UNC13C: variants seen among roughly 807,000 people sequenced by gnomAD.
UNC13C encodes protein unc-13 homolog C.
A neutral mutation model predicts 245.4 loss-of-function variants in UNC13C; 174 were observed. The ratio of observed to expected loss-of-function variants is 0.71; its 90% CI spans 0.63 to 0.80. The LOEUF is 0.80. Ranked by LOEUF, UNC13C falls within the 30% of genes least tolerant of loss-of-function variation. The pLI is 0.00. For synonymous variants in UNC13C, 992 were observed against 895.1 expected, an observed-to-expected ratio of 1.11 and a Z score of -1.93; for missense variants, 2,829 against 2,602.9, an observed-to-expected ratio of 1.09 and a Z score of -1.89.
chr15:54,038,120 A>ATG (rs1246982047), intron 2 of UNC13C, among the ~76,000 whole-genome samples: 1 of 45,204 alleles, frequency 2.2e-5, no homozygotes, highest in African/African-American at 1.0e-4. Context: ...ATATATATAT[A>ATG]TATATTTTTT....
intron 19 of UNC13C, among the ~76,000 whole-genome samples, chr15:54,487,766 C>CAAAAAAAAA (rs5812760): frequency 1.6e-5 from 1 of 62,762 alleles, no homozygotes; most frequent in Non-Finnish European, 3.0e-5. Context: ...GATTCCATCT[C>CAAAAAAAAA]AAAAAAAAAA....
At chr15:54,167,974 G>T (rs1376664317) in intron 4 of UNC13C, among the ~76,000 whole-genome samples, 2 of 152,084 alleles carry the variant, frequency 1.3e-5, no homozygotes, top group African/African-American at 4.8e-5. Context: ...ATCTAATTTT[G>T]GCAAAGATGT....
chr15:54,480,097 A>G (rs1893019666), intron 19 of UNC13C, among the ~76,000 whole-genome samples: 1 of 152,018 alleles, frequency 6.6e-6, no homozygotes, highest in African/African-American at 2.4e-5. Context: ...TGTTTGGAGA[A>G]TTCTTTCTTT....
intron 2 of UNC13C, among the ~76,000 whole-genome samples, chr15:54,112,569 T>C (rs2029890444): frequency 6.6e-6 from 1 of 152,234 alleles, no homozygotes; most frequent in Admixed American, 6.5e-5. Context: ...ATGTTGAATA[T>C]GTCTAGCCCC....
intron 30 of UNC13C, among the ~76,000 whole-genome samples, chr15:54,586,607 T>C (rs1253996334): frequency 6.6e-6 from 1 of 152,208 alleles, no homozygotes; most frequent in Non-Finnish European, 1.5e-5. Flanking sequence ...GTGGGGCTTT[T>C]ACAAACAAAT....
At chr15:54,071,579 A>G (rs1247939556) in intron 2 of UNC13C, among the ~76,000 whole-genome samples, 1 of 152,158 alleles carries the variant, frequency 6.6e-6, no homozygotes, top group Admixed American at 6.5e-5. Context: ...TAGGCAAACA[A>G]TGGTCTATGG....
rs540407205 is a variant in UNC13C at position 54,367,656 on chromosome 15, T to C, written c.4714-25392T>C. On this transcript the variant is annotated intron_variant, in intron 17 of 32. Transcript: ENST00000260323. ...AGAATGTAAATGATCCAACAAATTATAGCATAATAAAAGCTGCTTTTAACC... is the reference window on the plus strand; with the variant it reads ...AGAATGTAAATGATCCAACAAATTACAGCATAATAAAAGCTGCTTTTAACC... 1.1e-4 allele frequency among the ~76,000 whole-genome samples: 17 copies of C among 152,264 alleles called. No homozygotes were observed. In the South Asian group the frequency reaches 3.5e-3, roughly 32 times the overall value.
intron 19 of UNC13C, among the ~76,000 whole-genome samples, chr15:54,461,673 A>G: frequency 6.6e-6 from 1 of 152,210 alleles, no homozygotes. Flanking sequence ...TGAGTCATTG[A>G]GTAAATCAGG....
At chr15:54,086,894 C>T (rs1368410109) in intron 2 of UNC13C, among the ~76,000 whole-genome samples, 2 of 151,882 alleles carry the variant, frequency 1.3e-5, no homozygotes, top group Non-Finnish European at 2.9e-5. Context: ...TGCCACTGAC[C>T]CAGCTAATTT....
chr15:54,512,763 C>T (rs575859505), intron 24 of UNC13C, among the ~76,000 whole-genome samples: 26 of 152,294 alleles, frequency 1.7e-4, no homozygotes, highest in African/African-American at 6.3e-4. Flanking sequence ...TGCTAGGATG[C>T]ATTTCAAAGT....
At chr15:54,187,047 C>G (rs2034015357) in intron 4 of UNC13C, among the ~76,000 whole-genome samples, 1 of 151,788 alleles carries the variant, frequency 6.6e-6, no homozygotes, top group Admixed American at 6.6e-5. Context: ...AGGGTTTCAC[C>G]ATGTTGGCCA....
At chr15:53,947,606 T>A in the UNC13C span, 1 of 152,218 alleles carries the variant, frequency 6.6e-6, no homozygotes. Flanking sequence ...TTTGTTCACA[T>A]CTTTTGTTAT....
intron 10 of UNC13C, 107 bp downstream of exon 10, chr15:54,265,603 AC>A (rs2036533145): frequency 1.2e-6 from 1 of 848,860 alleles, no homozygotes; most frequent in African/African-American, 1.7e-5. Flanking sequence ...ATAATCTCTT[AC>A]CCAAAAGTAA....
At chr15:53,918,147 A>G in the UNC13C span, among the ~76,000 whole-genome samples, 1 of 152,170 alleles carries the variant, frequency 6.6e-6, no homozygotes, top group South Asian at 2.1e-4. Context: ...TTGGCTGTTC[A>G]CTTTCAACCC....
At chr15:54,584,744 T>C (rs545499151) in intron 30 of UNC13C, among the ~76,000 whole-genome samples, 1 of 152,366 alleles carries the variant, frequency 6.6e-6, no homozygotes, top group South Asian at 2.1e-4. Flanking sequence ...AGCACACCTG[T>C]AATATTTCAT....
At chr15:54,313,057 A>G (rs1390301569) in intron 13 of UNC13C, among the ~76,000 whole-genome samples, 2 of 151,748 alleles carry the variant, frequency 1.3e-5, no homozygotes, top group African/African-American at 2.4e-5. Flanking sequence ...GCTACCATCC[A>G]TCATGCCCCA....
chr15:54,629,798 C>T (rs370572838), downstream of UNC13C: 8 of 152,244 alleles, frequency 5.3e-5, no homozygotes, highest in South Asian at 6.2e-4. Context: ...TATTTTTTCC[C>T]TGACATGTTT....
intron 4 of UNC13C, among the ~76,000 whole-genome samples, chr15:54,229,888 A>G (rs12443052): frequency 0.047 from 7,138 of 152,112 alleles, 360 homozygotes; most frequent in East Asian, 0.27. Flanking sequence ...TTGTGTTTCT[A>G]TGGATGGCTT....
chr15:54,564,346 C>A (rs922936512), intron 29 of UNC13C, among the ~76,000 whole-genome samples: 1 of 151,974 alleles, frequency 6.6e-6, no homozygotes, highest in African/African-American at 2.4e-5. Context: ...AGTTGAGTAT[C>A]GTAATCTAAA....
Sources: gnomAD v4.1 joint callset for allele counts (sites outside exome capture counted in the v4.1 genomes callset) on GRCh38, gnomAD v4.1.1 for gene constraint, MANE v1.5 for transcripts, NCBI Gene and HGNC (gene_info 2026-07-23, HGNC 2026-07-21) for gene names.